The following DLC1 variants were observed in gnomAD, a reference collection of about 807,000 sequenced individuals.
DLC1 encodes the protein DLC1 Rho GTPase activating protein.
A neutral mutation model predicts 140.3 loss-of-function variants in DLC1; 54 were observed. The observed-to-expected ratio is 0.38, with a 90% CI of 0.31 to 0.48. The LOEUF (loss-of-function observed/expected upper bound fraction) is 0.48, where lower values mean the gene tolerates loss of function less well. Ranked by LOEUF, DLC1 falls within the 20% of genes least tolerant of loss-of-function variation. The probability of loss-of-function intolerance (pLI) is 0.96; values close to 1 mark genes in which losing one functional copy is unlikely to be tolerated. For synonymous variants in DLC1, 986 were observed against 728.1 expected, an observed-to-expected ratio of 1.35 and a Z score of -5.70; for missense variants, 2,536 against 1,907.0, an observed-to-expected ratio of 1.33 and a Z score of -6.14.
At chr8:13,401,949 C>A (rs1177264706) in intron 2 of DLC1, among the ~76,000 whole-genome samples, 1 of 151,984 alleles carries the variant, frequency 6.6e-6, no homozygotes, top group Admixed American at 6.5e-5. Flanking sequence ...CTTCTTTTTT[C>A]AGAGTACAAA....
chr8:13,484,947 A>C (rs1480490615), intron 2 of DLC1, among the ~76,000 whole-genome samples: 2 of 152,118 alleles, frequency 1.3e-5, no homozygotes, highest in South Asian at 2.1e-4. Context: ...ATTTGCTAAT[A>C]ATTCTTCCAG....
intron 1 of DLC1, among the ~76,000 whole-genome samples, chr8:13,555,466 TTA>T (rs2117367942): frequency 6.6e-6 from 1 of 152,192 alleles, no homozygotes; most frequent in African/African-American, 2.4e-5. Flanking sequence ...GGCTTTCATT[TTA>T]TGTTTGTAGC....
In DLC1 at chr8:13,492,062, G is replaced by A. The variant is rs115569656; in HGVS notation, c.1023+6987C>T. Among the ~76,000 whole-genome samples the A allele has an allele frequency of 4.1e-3, 623 of 152,304 alleles. 8 individuals carry two copies. The highest frequency in any genetic ancestry group is 0.015 in the African/African-American group (603 of 41,556). ...ATTACAGTAGGAATATATACATCAT[G>A]TCAGTAATAAGTCTTCTGTGGGTAT... On this transcript the variant is annotated intron_variant, in intron 2 of 17. Coordinates refer to ENST00000276297, the MANE Select transcript of DLC1 (RefSeq NM_182643.3).
At chr8:13,415,117 T>A (rs906420229) in intron 2 of DLC1, among the ~76,000 whole-genome samples, 3 of 151,912 alleles carry the variant, frequency 2.0e-5, no homozygotes, top group Non-Finnish European at 4.4e-5. Context: ...TGGCCCACGA[T>A]GTTATTTTTT....
chr8:13,514,068 A>G (rs1802492654), intron 1 of DLC1, among the ~76,000 whole-genome samples: 1 of 152,062 alleles, frequency 6.6e-6, no homozygotes, highest in Non-Finnish European at 1.5e-5. Context: ...TTTAAGCTGT[A>G]CAGGAGAAGC....
At chr8:13,171,549 C>A (rs1190562928) in intron 5 of DLC1, among the ~76,000 whole-genome samples, 1 of 152,026 alleles carries the variant, frequency 6.6e-6, no homozygotes, top group Non-Finnish European at 1.5e-5. Flanking sequence ...TGCCACCATG[C>A]CCCACTAATT....
At chr8:13,500,899 C>T (rs1180253787) in intron 1 of DLC1, among the ~76,000 whole-genome samples, 1 of 152,126 alleles carries the variant, frequency 6.6e-6, no homozygotes, top group African/African-American at 2.4e-5. Flanking sequence ...ATTTTTGAAG[C>T]TTAAGGGAAA....
At chr8:13,130,520 G>C (rs1821990743) in intron 5 of DLC1, among the ~76,000 whole-genome samples, 1 of 152,134 alleles carries the variant, frequency 6.6e-6, no homozygotes. Flanking sequence ...ATGCAAACAA[G>C]GGCTTTAGGT....
At chr8:13,323,968 T>G (rs1013743369) in intron 4 of DLC1, among the ~76,000 whole-genome samples, 1 of 152,228 alleles carries the variant, frequency 6.6e-6, no homozygotes, top group African/African-American at 2.4e-5. Flanking sequence ...AGACAGTTAA[T>G]GTGTCCCCAT....
intron 5 of DLC1, among the ~76,000 whole-genome samples, chr8:13,288,608 G>T (rs755087775): frequency 2.0e-5 from 3 of 152,154 alleles, no homozygotes; most frequent in African/African-American, 7.2e-5. Context: ...TTACCACTTA[G>T]CTGTTACTGC....
At position 13,094,918 on chromosome 8, in the gene DLC1, G is replaced by C. The variant is rs2128932390; in HGVS notation, c.3367C>G (p.Gln1123Glu). The change falls in exon 12 of 18, where the codon CAG (glutamine) becomes GAG (glutamate). Residue 1123 changes from glutamine to glutamate, a missense_variant. Gln to Glu is a conservative substitution (Grantham distance 29). Coordinates refer to ENST00000276297, the MANE Select transcript of DLC1 (RefSeq NM_182643.3). ...CCTTCATTCATCTGGCGCAGAGCCT[G>C]AATCCGGGACTTGACCCCCGATTTT... The part of the protein sequence containing the change: ...FRKSGVKSRI[Q>E]ALRQMNEGAI... 1 of 1,614,232 alleles carries C rather than the reference G, an allele frequency of 6.2e-7. No homozygotes were observed. Among genetic ancestry groups the C allele is most frequent in the Non-Finnish European group, 8.5e-7 (1 of 1,180,038 alleles).
intron 2 of DLC1, among the ~76,000 whole-genome samples, chr8:13,474,076 A>G (rs909920998): frequency 2.0e-5 from 3 of 152,182 alleles, no homozygotes; most frequent in Non-Finnish European, 2.9e-5. Flanking sequence ...ACAGGTCTTC[A>G]TGGCAGCCCC....
chr8:13,467,218 A>T (rs1799978600), intron 2 of DLC1, among the ~76,000 whole-genome samples: 1 of 152,162 alleles, frequency 6.6e-6, no homozygotes, highest in Non-Finnish European at 1.5e-5. Context: ...TTGCCTGATT[A>T]TTCTTAGAGG....
At chr8:13,552,150 G>C (rs1485977993) in intron 1 of DLC1, among the ~76,000 whole-genome samples, 8 of 32,034 alleles carry the variant, frequency 2.5e-4, no homozygotes, top group African/African-American at 8.8e-4. Context: ...TATCTGTCTA[G>C]AGGTACATAT....
rs1041420931 is a variant in DLC1 at position 13,375,012 on chromosome 8, A to G, written c.1314+18541T>C. Reference sequence around the variant, plus strand: ...CTCTCTGTTTGTCTGTTATTGGTGTATAAGAATGCTTGTGATTTTTTTTTT... The same window carrying G: ...CTCTCTGTTTGTCTGTTATTGGTGTGTAAGAATGCTTGTGATTTTTTTTTT... On this transcript the variant is annotated intron_variant, in intron 4 of 17. Transcript: ENST00000276297. Among the ~76,000 whole-genome samples, 7 of 147,538 alleles carry G rather than the reference A, an allele frequency of 4.7e-5. No homozygotes were observed. In the South Asian group the frequency reaches 6.5e-4, roughly 14 times the overall value.
At chr8:13,275,786 C>T (rs1370132306) in intron 5 of DLC1, among the ~76,000 whole-genome samples, 2 of 152,190 alleles carry the variant, frequency 1.3e-5, no homozygotes, top group African/African-American at 2.4e-5. Context: ...CAGGCTTTCA[C>T]TGGGCAGCGC....
At chr8:13,367,859 A>G (rs1170977922) in intron 4 of DLC1, among the ~76,000 whole-genome samples, 1 of 152,192 alleles carries the variant, frequency 6.6e-6, no homozygotes, top group African/African-American at 2.4e-5. Context: ...GCAAATGAGG[A>G]TGAGATAGTA....
At chr8:13,550,900 T>C (rs955366521) in intron 1 of DLC1, among the ~76,000 whole-genome samples, 3 of 152,076 alleles carry the variant, frequency 2.0e-5, no homozygotes, top group African/African-American at 7.2e-5. Context: ...AGAATAATCA[T>C]GTATGGTCAA....
intron 5 of DLC1, among the ~76,000 whole-genome samples, chr8:13,218,148 T>A (rs1828299009): frequency 6.6e-6 from 1 of 152,134 alleles, no homozygotes; most frequent in Non-Finnish European, 1.5e-5. Context: ...GAAAGAACAG[T>A]CTCTTCAACA....
Sources: allele counts gnomAD v4.1 joint callset (sites outside exome capture counted in the v4.1 genomes callset), GRCh38; gene constraint gnomAD v4.1.1; transcripts MANE v1.5; gene names NCBI Gene and HGNC (gene_info 2026-07-23, HGNC 2026-07-21).